The following ABCA1 variants were observed in gnomAD, a reference collection of about 807,000 sequenced individuals.
ABCA1 encodes the protein phospholipid-transporting ATPase ABCA1.
In ABCA1, 133 loss-of-function variants were observed where a neutral mutation model predicts 262.5. The observed-to-expected ratio is 0.51, with a 90% confidence interval of 0.44 to 0.59. The LOEUF is 0.59. Ranked by LOEUF, ABCA1 falls within the 20% of genes least tolerant of loss-of-function variation. ABCA1 has a pLI of 0.00. For missense variants in ABCA1, 2,452 were observed against 2,777.5 expected (o/e 0.88, Z 2.63); for synonymous variants, 1,022 against 1,043.5 (o/e 0.98, Z 0.40).
At chr9:104,915,098 C>T (rs909014823) in intron 1 of ABCA1, among the ~76,000 whole-genome samples, 1 of 152,188 alleles carries the variant, frequency 6.6e-6, no homozygotes, top group Non-Finnish European at 1.5e-5. Context: ...CTATAAACAC[C>T]TGGATACAAT....
In ABCA1 at chr9:104,831,672, C is replaced by T; in HGVS notation, c.1665G>A (p.Lys555=). The T allele has an allele frequency of 1.2e-6, 2 of 1,614,208 alleles. No homozygotes were observed. Among genetic ancestry groups the T allele is most frequent in the Non-Finnish European group, 1.7e-6 (2 of 1,180,050 alleles). The change falls in exon 13 of 50, where the codon AAG becomes AAA. Residue 555 remains lysine, a synonymous_variant. Transcript: ENST00000374736. ...SIELPHHVKY[K]IRMDIDNVER... ...CCACATTGTCAATGTCCATTCGGAT[C>T]TTGTACTTGACATGATGGGGCAGCT...
chr9:104,789,534 G>A (rs971655396), intron 44 of ABCA1, among the ~76,000 whole-genome samples: 1 of 152,150 alleles, frequency 6.6e-6, no homozygotes, highest in Admixed American at 6.5e-5. Context: ...TGTTCAAATT[G>A]TGAGTCATTG....
intron 2 of ABCA1, among the ~76,000 whole-genome samples, chr9:104,892,675 A>G (rs58091028): frequency 0.02 from 2,979 of 152,330 alleles, 115 homozygotes; most frequent in African/African-American, 0.069. Flanking sequence ...AGCTGGTTTA[A>G]AAGATAATGA....
chr9:104,850,085 G>A (rs1023260956), intron 7 of ABCA1, among the ~76,000 whole-genome samples: 1 of 151,972 alleles, frequency 6.6e-6, no homozygotes, highest in Non-Finnish European at 1.5e-5. Context: ...GAGTCAGCAC[G>A]GCAAAATGAT....
In ABCA1 at chr9:104,883,117, A is replaced by G; in HGVS notation, c.343T>C (p.Tyr115His). Residue 115 changes from tyrosine (Y) to histidine (H), a missense_variant, in exon 5 of 50, where the codon TAC becomes CAC. Physicochemically the swap from Tyr to His is moderately conservative, Grantham distance 83. This residue lies in a region of ABCA1 where 1,032 missense variants were observed against 1,089.7 expected (regional missense o/e 0.95). Transcript: ENST00000374736. ...LFSDARRLLLYSQKDTSMKDM... is the reference protein window; with the variant it reads ...LFSDARRLLLHSQKDTSMKDM... ...TTCATGCTGGTGTCTTTCTGGCTGT[A>G]TAAAAGAAGCCTCCGAGCATCTGAG... 1 of 1,614,242 alleles carries G rather than the reference A, an allele frequency of 6.2e-7. No individual in the cohort carries two copies. Among genetic ancestry groups the G allele is most frequent in the Non-Finnish European group, 8.5e-7 (1 of 1,180,052 alleles).
At chr9:104,819,770 G>A (rs777863334) in intron 21 of ABCA1, 47 bp from the exon 22 acceptor site, 1 of 1,613,764 alleles carries the variant, frequency 6.2e-7, no homozygotes, top group Non-Finnish European at 8.5e-7. Flanking sequence ...GCCCCAGACA[G>A]TGAGTGAAGG....
rs376910983 is a variant in ABCA1 at position 104,791,877 on chromosome 9, T to C, written c.5820+59A>G. ...CCTCTTAACGAGCATCGTTGCTTGATTGGGTAGAGATAGTCTGAACTAATA... is the reference window on the plus strand; with the variant it reads ...CCTCTTAACGAGCATCGTTGCTTGACTGGGTAGAGATAGTCTGAACTAATA... On this transcript the variant is annotated intron_variant, in intron 43 of 49. Coordinates refer to ENST00000374736, the MANE Select transcript of ABCA1 (RefSeq NM_005502.4). The C allele has an allele frequency of 2.3e-5, 36 of 1,540,478 alleles. No homozygotes were observed. In the African/African-American group the frequency reaches 3.3e-4, roughly 14 times the overall value.
chr9:104,874,895 C>T (rs1238528623), intron 5 of ABCA1, among the ~76,000 whole-genome samples: 8 of 147,720 alleles, frequency 5.4e-5, no homozygotes, highest in African/African-American at 1.9e-4. Flanking sequence ...CCCGGCCAGC[C>T]GCCCCGTCCG....
At chr9:104,796,021 C>T (rs1829865794) in intron 39 of ABCA1, 32 bp downstream of exon 39, 1 of 1,611,838 alleles carries the variant, frequency 6.2e-7, no homozygotes, top group African/African-American at 1.3e-5. Context: ...AGATGCTCAT[C>T]CCAGCAGGAG....
chr9:104,836,907 C>A (rs776382365), intron 11 of ABCA1, 73 bp downstream of exon 11: 4 of 1,211,514 alleles, frequency 3.3e-6, no homozygotes, highest in Non-Finnish European at 4.9e-6. Context: ...CTCACTCACA[C>A]CTGGGAAAGT....
intron 7 of ABCA1, 56 bp from the exon 8 acceptor site, chr9:104,845,625 A>G: frequency 1.6e-6 from 2 of 1,219,518 alleles, no homozygotes; most frequent in Non-Finnish European, 2.4e-6. Context: ...TGAAATCTCT[A>G]TTGGAAATAA....
intron 21 of ABCA1, 44 bp from the exon 22 acceptor site, chr9:104,819,767 A>G: frequency 6.2e-7 from 1 of 1,613,960 alleles, no homozygotes; most frequent in Non-Finnish European, 8.5e-7. Context: ...CCAGCCCCAG[A>G]CAGTGAGTGA....
chr9:104,917,364 A>G (rs1391973790), intron 1 of ABCA1, among the ~76,000 whole-genome samples: 2 of 152,242 alleles, frequency 1.3e-5, no homozygotes, highest in Non-Finnish European at 2.9e-5. Context: ...GGATTTTAGG[A>G]GATGAACAAG....
chr9:104,828,892 G>C, intron 15 of ABCA1, 24 bp downstream of exon 15: 9 of 1,611,148 alleles, frequency 5.6e-6, no homozygotes, highest in Non-Finnish European at 5.1e-6. Context: ...TCCTGGCAGG[G>C]AAGAGCGAGT....
intron 1 of ABCA1, among the ~76,000 whole-genome samples, chr9:104,925,879 A>G (rs967100336): frequency 1.3e-5 from 2 of 152,224 alleles, no homozygotes; most frequent in African/African-American, 4.8e-5. Context: ...AAGTTTCTCA[A>G]CAGAAAGCCT....
At chr9:104,917,482 C>A (rs528729202) in intron 1 of ABCA1, among the ~76,000 whole-genome samples, 11 of 152,100 alleles carry the variant, frequency 7.2e-5, no homozygotes, top group African/African-American at 2.4e-4. Flanking sequence ...CGGCCGGGTG[C>A]GGCGGCTCAC....
At chr9:104,857,442 G>C (rs1395749371) in intron 7 of ABCA1, among the ~76,000 whole-genome samples, 2 of 152,128 alleles carry the variant, frequency 1.3e-5, no homozygotes, top group Non-Finnish European at 2.9e-5. Context: ...ATGTTGGCCA[G>C]GCTGGTCTCA....
chr9:104,822,772 A>G, intron 18 of ABCA1, 105 bp from the exon 19 acceptor site: 1 of 1,325,006 alleles, frequency 7.5e-7, no homozygotes. Flanking sequence ...CCTTCTCTCC[A>G]TGTCCACCCT....
chr9:104,841,626 A>G (rs1396552440), intron 8 of ABCA1, among the ~76,000 whole-genome samples: 1 of 149,668 alleles, frequency 6.7e-6, no homozygotes, highest in Non-Finnish European at 1.5e-5. Flanking sequence ...AGATGCTTAT[A>G]CCATGGCCTG....
Sources: allele counts gnomAD v4.1 joint callset (sites outside exome capture counted in the v4.1 genomes callset), GRCh38; gene constraint gnomAD v4.1.1; regional missense constraint gnomAD v4.1.1; transcripts MANE v1.5; gene names NCBI Gene and HGNC (gene_info 2026-07-23, HGNC 2026-07-21).